WWOX: variants seen among roughly 807,000 people sequenced by gnomAD.
The protein encoded by WWOX is WW domain containing oxidoreductase.
In WWOX, 69 loss-of-function variants were observed where a neutral mutation model predicts 46.2. That is an observed-to-expected ratio of 1.49 (90% CI 1.23 to 1.82). The LOEUF is 1.82. Ranked by LOEUF, WWOX falls within the 40% of genes most tolerant of loss-of-function variation. The probability of loss-of-function intolerance (pLI) is 0.00; values close to 1 mark genes in which losing one functional copy is unlikely to be tolerated. For missense variants in WWOX, 919 were observed against 542.6 expected (o/e 1.69, Z -6.89); for synonymous variants, 359 against 202.6 (o/e 1.77, Z -6.56).
chr16:78,833,122 G>C (rs1425806980), intron 8 of WWOX, among the ~76,000 whole-genome samples: 1 of 151,098 alleles, frequency 6.6e-6, no homozygotes, highest in Non-Finnish European at 1.5e-5. Context: ...GATCACTGCA[G>C]CCTCCAACTC....
chr16:78,277,554 G>C (rs75900344), intron 5 of WWOX, among the ~76,000 whole-genome samples: 11,862 of 152,178 alleles, frequency 0.078, 528 homozygotes, highest in Middle Eastern at 0.2. Context: ...CAGGGGGTGG[G>C]GGAGGGCACA....
At chr16:78,927,379 G>A (rs981640093) in intron 8 of WWOX, among the ~76,000 whole-genome samples, 10 of 152,282 alleles carry the variant, frequency 6.6e-5, no homozygotes, top group African/African-American at 2.4e-4. Flanking sequence ...TATTGATGGA[G>A]CAGACCATCA....
chr16:78,536,885 G>A (rs1158823458), intron 8 of WWOX, among the ~76,000 whole-genome samples: 1 of 150,268 alleles, frequency 6.7e-6, no homozygotes, highest in Admixed American at 6.6e-5. Flanking sequence ...AGTATGTGCT[G>A]GTTGCAGAGC....
At chr16:78,806,566 A>G (rs115958190) in intron 8 of WWOX, among the ~76,000 whole-genome samples, 198 of 152,160 alleles carry the variant, frequency 1.3e-3, no homozygotes, top group African/African-American at 2.9e-3. Flanking sequence ...TGGAGGGTCT[A>G]TTGGCTGGAA....
At chr16:79,011,443 CT>C (rs904512422) in intron 8 of WWOX, among the ~76,000 whole-genome samples, 99 of 148,866 alleles carry the variant, frequency 6.7e-4, no homozygotes, top group African/African-American at 2.1e-3. Flanking sequence ...CATAGTCTTC[CT>C]TTTTTTATTT....
intron 8 of WWOX, among the ~76,000 whole-genome samples, chr16:79,121,057 C>T (rs762110877): frequency 1.3e-5 from 2 of 152,220 alleles, no homozygotes. Flanking sequence ...GCGTGAGTCA[C>T]CATGCCTGGC....
At chr16:78,686,629 TTTTAA>T (rs1439651065) in intron 8 of WWOX, among the ~76,000 whole-genome samples, 3 of 152,136 alleles carry the variant, frequency 2.0e-5, no homozygotes, top group Admixed American at 2.0e-4. Flanking sequence ...GGAACTCCTG[TTTTAA>T]TTTGTTTTTT....
intron 8 of WWOX, among the ~76,000 whole-genome samples, chr16:78,569,899 T>C (rs1444000905): frequency 1.3e-5 from 2 of 152,200 alleles, no homozygotes; most frequent in African/African-American, 4.8e-5. Context: ...TGATCATAAA[T>C]ACCCATCGGT....
chr16:78,802,915 G>GAAAAAAAAAAAAAAAAAAAACAA (rs2050928073), intron 8 of WWOX, among the ~76,000 whole-genome samples: 1 of 10,442 alleles, frequency 9.6e-5, no homozygotes, highest in Non-Finnish European at 1.9e-4. Flanking sequence ...GACTTCATCT[G>GAAAAAAAAAAAAAAAAAAAACAA]AAAAAAAAAA....
chr16:79,211,730 G>A lies in WWOX; in HGVS notation c.1179G>A (p.Thr393=), dbSNP rs376293017. 2.5e-4 allele frequency: 398 copies of A among 1,614,080 alleles called. 1 individual carries two copies. Among genetic ancestry groups the A allele is most frequent in the Non-Finnish European group, 3.1e-4 (364 of 1,180,044 alleles). ...MPSPEAQSEE[T]ARTLWALSER... is the part of the protein sequence containing the mutation. ...CACCAGAAGCTCAGAGCGAAGAGAC[G>A]GCCCGGACCCTGTGGGCGCTCAGCG... The change falls in exon 9 of 9, where the codon ACG becomes ACA. Residue 393 remains threonine (T), a synonymous_variant. Coordinates refer to ENST00000566780, the MANE Select transcript of WWOX (RefSeq NM_016373.4).
chr16:78,411,762 C>T (rs148474680), intron 6 of WWOX, among the ~76,000 whole-genome samples: 1 of 152,068 alleles, frequency 6.6e-6, no homozygotes, highest in Non-Finnish European at 1.5e-5. Context: ...AGTGACTACA[C>T]CTAAAAGGAA....
chr16:78,529,819 C>T (rs1185914595), intron 8 of WWOX, among the ~76,000 whole-genome samples: 1 of 152,126 alleles, frequency 6.6e-6, no homozygotes, highest in African/African-American at 2.4e-5. Flanking sequence ...ATAAAGGGAG[C>T]CAGCTATACT....
At chr16:79,137,318 T>G (rs1364430696) in intron 8 of WWOX, among the ~76,000 whole-genome samples, 1 of 152,194 alleles carries the variant, frequency 6.6e-6, no homozygotes, top group Admixed American at 6.5e-5. Context: ...AGCTTGACAA[T>G]CTTGGCAAGG....
At chr16:79,197,308 G>C (rs1252632271) in intron 8 of WWOX, among the ~76,000 whole-genome samples, 1 of 152,108 alleles carries the variant, frequency 6.6e-6, no homozygotes, top group African/African-American at 2.4e-5. Context: ...TATTCCACAG[G>C]TCATCACCAA....
At chr16:79,104,267 G>T (rs547261548) in intron 8 of WWOX, among the ~76,000 whole-genome samples, 1 of 152,132 alleles carries the variant, frequency 6.6e-6, no homozygotes, top group South Asian at 2.1e-4. Context: ...GGTCTGTAAG[G>T]ACATTAATAA....
intron 8 of WWOX, among the ~76,000 whole-genome samples, chr16:79,171,262 T>C (rs1372837755): frequency 6.6e-6 from 1 of 152,198 alleles, no homozygotes; most frequent in African/African-American, 2.4e-5. Context: ...ATTAACTCTA[T>C]AAGGAAGTAT....
chr16:78,686,443 G>T (rs902342201), intron 8 of WWOX, among the ~76,000 whole-genome samples: 1 of 152,066 alleles, frequency 6.6e-6, no homozygotes, highest in African/African-American at 2.4e-5. Context: ...CCCGGGAGGT[G>T]GAGTTTGCAG....
At chr16:78,911,867 A>G (rs963095551) in intron 8 of WWOX, among the ~76,000 whole-genome samples, 1 of 152,044 alleles carries the variant, frequency 6.6e-6, no homozygotes, top group Admixed American at 6.6e-5. Flanking sequence ...CTCCATCTCA[A>G]AAAGAAAAAC....
At chr16:78,851,500 G>A (rs1190351197) in intron 8 of WWOX, among the ~76,000 whole-genome samples, 6 of 152,218 alleles carry the variant, frequency 3.9e-5, no homozygotes, top group Non-Finnish European at 5.9e-5. Context: ...TGCCTCAGAA[G>A]ATAATGAGCC....
Sources: gnomAD v4.1 joint callset for allele counts (sites outside exome capture counted in the v4.1 genomes callset) on GRCh38, gnomAD v4.1.1 for gene constraint, MANE v1.5 for transcripts, NCBI Gene and HGNC (gene_info 2026-07-23, HGNC 2026-07-21) for gene names.